The following GRM8 variants were observed in gnomAD, a reference collection of about 807,000 sequenced individuals.
GRM8 encodes the protein glutamate metabotropic receptor 8.
Under a neutral mutation model 87.2 loss-of-function variants are expected in GRM8, and 47 were observed. That is an observed-to-expected ratio of 0.54 (90% CI 0.43 to 0.69). The LOEUF (loss-of-function observed/expected upper bound fraction) is 0.69. Among genes scored for constraint, GRM8 ranks in the 30% least tolerant of loss-of-function variants. The pLI, the probability that GRM8 is intolerant of heterozygous loss-of-function variation, is 0.00. For synonymous variants in GRM8, 396 were observed against 404.5 expected (o/e 0.98, Z 0.25); for missense variants, 1,019 against 1,139.2 (o/e 0.89, Z 1.52).
At position 127,022,828 on chromosome 7, in the gene GRM8, G is replaced by A. The variant is rs529011346; in HGVS notation, c.727+83668C>T. Among the ~76,000 whole-genome samples the A allele has an allele frequency of 3.3e-5, 5 of 152,158 alleles. No homozygotes were observed. The East Asian group carries it at 9.7e-4, about 29-fold the overall frequency. ...AATAACTAGAAGGCAGTGTAGCATAGTGACTTCAGTCCAAAACCCAGTTCT... is the reference window on the plus strand; with the variant it reads ...AATAACTAGAAGGCAGTGTAGCATAATGACTTCAGTCCAAAACCCAGTTCT... On this transcript the variant is annotated intron_variant, in intron 3 of 10. Transcript: ENST00000339582.
intron 9 of GRM8, among the ~76,000 whole-genome samples, chr7:126,472,191 C>A (rs1381604842): frequency 2.6e-5 from 4 of 152,102 alleles, no homozygotes; most frequent in Non-Finnish European, 5.9e-5. Flanking sequence ...CCTTCTCCTG[C>A]CTAATTGCTC....
chr7:126,439,013 G>T lies in GRM8; in HGVS notation c.*106C>A. ...TCCTTACAAGACTGACTATTGATTTGATTGATTGTAGTCTACGGAGATCTC... is the reference window on the plus strand; with the variant it reads ...TCCTTACAAGACTGACTATTGATTTTATTGATTGTAGTCTACGGAGATCTC... On this transcript the variant is annotated 3_prime_UTR_variant, in exon 11 of 11. Transcript: ENST00000339582. 1 of 763,398 alleles carries T rather than the reference G, an allele frequency of 1.3e-6. No individual in the cohort carries two copies. The highest frequency in any genetic ancestry group is 1.4e-5 in the South Asian group (1 of 69,472). The allele number at this position is 763,398 out of a possible 1,614,324, so 47.3% of individuals were successfully genotyped here.
At chr7:127,204,477 T>A (rs1795793065) in intron 2 of GRM8, among the ~76,000 whole-genome samples, 1 of 152,134 alleles carries the variant, frequency 6.6e-6, no homozygotes, top group Non-Finnish European at 1.5e-5. Flanking sequence ...GTTCAGAGGG[T>A]GATAAACAGA....
chr7:127,106,589 C>T lies in GRM8; in HGVS notation c.634G>A (p.Ala212Thr), dbSNP rs1485529918. Residue 212 changes from alanine (A) to threonine (T), a missense_variant, in exon 3 of 11, where the codon GCA becomes ACA. Coordinates refer to ENST00000339582, the MANE Select transcript of GRM8 (RefSeq NM_000845.3). Reference protein sequence around the residue: ...QAQAMVDIVTALGWNYVSTLA... With the variant: ...QAQAMVDIVTTLGWNYVSTLA... ...GTCGAAACATAATTCCATCCCAGTG[C>T]TGTCACGATGTCCACCATGGCTTGG... is the stretch of plus-strand genomic sequence containing the variant. 2 of 1,613,958 alleles carry T rather than the reference C, an allele frequency of 1.2e-6. No individual in the cohort carries two copies. Among genetic ancestry groups the T allele is most frequent in the Non-Finnish European group, 1.7e-6 (2 of 1,179,984 alleles).
chr7:126,692,739 T>A (rs1363456166), intron 7 of GRM8, among the ~76,000 whole-genome samples: 1 of 152,218 alleles, frequency 6.6e-6, no homozygotes, highest in East Asian at 1.9e-4. Context: ...TTCTCTTCCC[T>A]ATTGAGGATG....
chr7:126,527,271 T>A (rs1054903092), intron 9 of GRM8, among the ~76,000 whole-genome samples: 12 of 152,094 alleles, frequency 7.9e-5, no homozygotes, highest in African/African-American at 2.9e-4. Flanking sequence ...GGCAAGAGAA[T>A]CGCTTGAACC....
chr7:127,025,337 G>A (rs1816676753), intron 3 of GRM8, among the ~76,000 whole-genome samples: 1 of 151,822 alleles, frequency 6.6e-6, no homozygotes, highest in South Asian at 2.1e-4. Flanking sequence ...AGACCCTTGG[G>A]GACCATCAAT....
chr7:126,645,947 A>G (rs1802993576), intron 7 of GRM8, among the ~76,000 whole-genome samples: 1 of 152,094 alleles, frequency 6.6e-6, no homozygotes, highest in African/African-American at 2.4e-5. Flanking sequence ...CATACACCAT[A>G]GCCCCTACTT....
intron 9 of GRM8, among the ~76,000 whole-genome samples, chr7:126,515,493 C>G (rs544235218): frequency 1.1e-4 from 17 of 152,190 alleles, no homozygotes; most frequent in African/African-American, 4.1e-4. Flanking sequence ...TTACCAGAAA[C>G]TCAGCAGCCT....
chr7:126,983,427 T>C (rs922966222), intron 3 of GRM8, among the ~76,000 whole-genome samples: 3 of 152,118 alleles, frequency 2.0e-5, no homozygotes, highest in Admixed American at 6.5e-5. Flanking sequence ...CAATATACGG[T>C]ACTGCTTTTC....
At chr7:126,606,550 C>G (rs1402097150) in intron 8 of GRM8, among the ~76,000 whole-genome samples, 2 of 152,156 alleles carry the variant, frequency 1.3e-5, no homozygotes, top group Admixed American at 6.5e-5. Context: ...ACTACTCCAC[C>G]TTCAAGCAGG....
intron 8 of GRM8, among the ~76,000 whole-genome samples, chr7:126,556,897 T>G (rs2150947215): frequency 6.6e-6 from 1 of 152,348 alleles, no homozygotes; most frequent in South Asian, 2.1e-4. Context: ...TATTCATTGG[T>G]GTCCATTGGT....
chr7:127,086,827 G>T (rs527475693), intron 3 of GRM8, among the ~76,000 whole-genome samples: 1 of 152,266 alleles, frequency 6.6e-6, no homozygotes, highest in African/African-American at 2.4e-5. Flanking sequence ...CCAGAGTTCT[G>T]CTCTTGTTCC....
intron 7 of GRM8, among the ~76,000 whole-genome samples, chr7:126,717,206 G>A (rs1237898188): frequency 2.0e-5 from 3 of 151,634 alleles, no homozygotes; most frequent in East Asian, 3.8e-4. Context: ...TGGCCCTCAG[G>A]CAACTCTGGA....
chr7:126,866,054 G>A (rs1346722188), intron 6 of GRM8, among the ~76,000 whole-genome samples: 2 of 152,180 alleles, frequency 1.3e-5, no homozygotes, highest in East Asian at 1.9e-4. Context: ...AGCAACGTAG[G>A]ACATTTCCAA....
intron 3 of GRM8, among the ~76,000 whole-genome samples, chr7:127,078,551 T>C (rs1009857868): frequency 2.0e-5 from 3 of 152,232 alleles, no homozygotes; most frequent in Non-Finnish European, 4.4e-5. Flanking sequence ...GACTATATGA[T>C]GATGCACGGT....
chr7:126,855,586 CT>C (rs1253722656), intron 6 of GRM8, among the ~76,000 whole-genome samples: 7 of 151,838 alleles, frequency 4.6e-5, no homozygotes, highest in African/African-American at 1.5e-4. Context: ...AGCAATTCGC[CT>C]GTCTCAGCAT....
At chr7:126,618,790 C>T (rs1232038166) in intron 7 of GRM8, among the ~76,000 whole-genome samples, 1 of 152,104 alleles carries the variant, frequency 6.6e-6, no homozygotes, top group Non-Finnish European at 1.5e-5. Flanking sequence ...TCATCACTGG[C>T]CATCAGAGAA....
intron 7 of GRM8, among the ~76,000 whole-genome samples, chr7:126,671,512 C>G (rs1806383939): frequency 6.6e-6 from 1 of 152,126 alleles, no homozygotes; most frequent in African/African-American, 2.4e-5. Context: ...TTATCATATG[C>G]TTGTCATTAA....
Sources: allele counts gnomAD v4.1 joint callset (sites outside exome capture counted in the v4.1 genomes callset), GRCh38; gene constraint gnomAD v4.1.1; transcripts MANE v1.5; gene names NCBI Gene and HGNC (gene_info 2026-07-23, HGNC 2026-07-21).